The following PTPRD variants were observed in gnomAD, a reference collection of about 807,000 sequenced individuals.
PTPRD encodes protein tyrosine phosphatase receptor type D, also known as receptor-type tyrosine-protein phosphatase delta.
A neutral mutation model predicts 214.5 loss-of-function variants in PTPRD; 34 were observed. The observed-to-expected ratio is 0.16, with a 90% confidence interval of 0.12 to 0.21. The LOEUF (loss-of-function observed/expected upper bound fraction) is 0.21, where lower values mean the gene tolerates loss of function less well. PTPRD is among the 10% of genes least tolerant of loss of function. The pLI is 1.00. For synonymous variants in PTPRD, 1,128 were observed against 845.7 expected, an observed-to-expected ratio of 1.33 and a Z score of -5.79; for missense variants, 2,545 against 2,398.7, an observed-to-expected ratio of 1.06 and a Z score of -1.27.
intron 8 of PTPRD, among the ~76,000 whole-genome samples, chr9:9,512,737 C>T (rs1024598028): frequency 1.3e-4 from 20 of 151,764 alleles, no homozygotes; most frequent in African/African-American, 4.8e-4. Context: ...ATCAACATAT[C>T]TGTGGCCACA....
chr9:10,036,511 C>CACACACAG (rs1491051143), intron 3 of PTPRD, among the ~76,000 whole-genome samples: 1 of 107,742 alleles, frequency 9.3e-6, no homozygotes, highest in African/African-American at 3.6e-5. Flanking sequence ...CTCATGCACA[C>CACACACAG]ACACACACAC....
chr9:10,598,362 T>A (rs556519501), intron 2 of PTPRD, among the ~76,000 whole-genome samples: 12 of 151,914 alleles, frequency 7.9e-5, no homozygotes, highest in African/African-American at 2.9e-4. Flanking sequence ...TGATTTCTGC[T>A]TGGAACTCAC....
intron 2 of PTPRD, among the ~76,000 whole-genome samples, chr9:10,596,756 A>G (rs2076713990): frequency 6.6e-6 from 1 of 151,534 alleles, no homozygotes; most frequent in Admixed American, 6.6e-5. Flanking sequence ...GGATAATATG[A>G]TTTATATATG....
chr9:9,217,768 C>T (rs188435332), intron 9 of PTPRD, among the ~76,000 whole-genome samples: 1 of 152,262 alleles, frequency 6.6e-6, no homozygotes, highest in African/African-American at 2.4e-5. Flanking sequence ...CTCATCTCCA[C>T]CAAAATCCCG....
At chr9:9,927,271 C>T (rs1457255789) in intron 5 of PTPRD, among the ~76,000 whole-genome samples, 1 of 152,162 alleles carries the variant, frequency 6.6e-6, no homozygotes. Flanking sequence ...CGGGCGAACA[C>T]TTAAAACCCA....
intron 9 of PTPRD, among the ~76,000 whole-genome samples, chr9:9,392,396 A>G (rs1237491652): frequency 1.3e-5 from 2 of 152,180 alleles, no homozygotes; most frequent in Non-Finnish European, 2.9e-5. Flanking sequence ...TTAATCATTC[A>G]AATCAAGATC....
intron 5 of PTPRD, among the ~76,000 whole-genome samples, chr9:9,806,705 T>A (rs912684186): frequency 2.0e-5 from 3 of 152,158 alleles, no homozygotes; most frequent in Non-Finnish European, 4.4e-5. Flanking sequence ...CGGTCTCTTA[T>A]ACAGACATGC....
intron 11 of PTPRD, among the ~76,000 whole-genome samples, chr9:9,008,522 G>A (rs1325280535): frequency 3.3e-5 from 5 of 151,802 alleles, no homozygotes; most frequent in Non-Finnish European, 5.9e-5. Context: ...CACCGCGCCC[G>A]GCCTCCCCTT....
intron 9 of PTPRD, among the ~76,000 whole-genome samples, chr9:9,213,906 T>C (rs2099950448): frequency 6.6e-6 from 1 of 152,198 alleles, no homozygotes; most frequent in Non-Finnish European, 1.5e-5. Flanking sequence ...GTTTTTTGTG[T>C]AGTTTTTCTT....
chr9:8,524,768 T>C (rs769501566), intron 18 of PTPRD, 157 bp downstream of exon 18: 1 of 768,528 alleles, frequency 1.3e-6, no homozygotes, highest in Non-Finnish European at 2.4e-6. Context: ...CAACACATTT[T>C]AAATTTTTAA....
At chr9:10,518,821 C>G (rs1039575344) in intron 2 of PTPRD, among the ~76,000 whole-genome samples, 1 of 151,716 alleles carries the variant, frequency 6.6e-6, no homozygotes, top group African/African-American at 2.4e-5. Flanking sequence ...CGTGAGCCAC[C>G]GCGCTCAGCC....
intron 11 of PTPRD, chr9:8,859,941 A>G (rs1295466758): frequency 6.6e-6 from 1 of 152,092 alleles, no homozygotes. Context: ...CCCTCCAATC[A>G]TTCTGATTTC....
At chr9:10,360,601 C>T (rs540214100) in intron 2 of PTPRD, among the ~76,000 whole-genome samples, 1 of 152,210 alleles carries the variant, frequency 6.6e-6, no homozygotes, top group South Asian at 2.1e-4. Context: ...TCCCAAGCAG[C>T]CAAGAAAATA....
intron 4 of PTPRD, among the ~76,000 whole-genome samples, chr9:9,941,742 A>T (rs1387958886): frequency 1.3e-5 from 2 of 152,190 alleles, no homozygotes; most frequent in African/African-American, 4.8e-5. Flanking sequence ...AGAGTAGAAC[A>T]ACTCTGAAGA....
intron 39 of PTPRD, among the ~76,000 whole-genome samples, chr9:8,363,760 G>C (rs2079090903): frequency 6.6e-6 from 1 of 152,186 alleles, no homozygotes; most frequent in Non-Finnish European, 1.5e-5. Flanking sequence ...AGGAGAGTTT[G>C]AAGACAGACA....
At chr9:9,920,885 CGAAGAAGGAT>C (rs2082362411) in intron 5 of PTPRD, among the ~76,000 whole-genome samples, 3 of 152,008 alleles carry the variant, frequency 2.0e-5, no homozygotes, top group African/African-American at 7.2e-5. Context: ...GCAGGATGAA[CGAAGAAGGAT>C]TTAAGATAGA....
intron 11 of PTPRD, among the ~76,000 whole-genome samples, chr9:8,797,713 C>A (rs186407675): frequency 4.6e-4 from 70 of 152,238 alleles, no homozygotes; most frequent in Admixed American, 1.7e-3. Flanking sequence ...ACCATTTATC[C>A]CACTATGCTT....
intron 7 of PTPRD, among the ~76,000 whole-genome samples, chr9:9,710,965 C>T (rs943196665): frequency 2.4e-4 from 37 of 151,702 alleles, no homozygotes; most frequent in Admixed American, 1.3e-3. Context: ...AGCGAGCGAG[C>T]GAGAGAGAGC....
At chr9:10,506,522 T>A (rs1028455214) in intron 2 of PTPRD, among the ~76,000 whole-genome samples, 2 of 152,152 alleles carry the variant, frequency 1.3e-5, no homozygotes, top group Non-Finnish European at 2.9e-5. Flanking sequence ...CTTGAGGTGA[T>A]TGGTACCCCA....
Sources: gnomAD v4.1 joint callset for allele counts (sites outside exome capture counted in the v4.1 genomes callset) on GRCh38, gnomAD v4.1.1 for gene constraint, MANE v1.5 for transcripts, NCBI Gene and HGNC (gene_info 2026-07-23, HGNC 2026-07-21) for gene names.